The following SHD variants were observed in gnomAD, a reference collection of about 807,000 sequenced individuals.
SHD encodes the protein SH2 domain-containing adapter protein D.
In SHD, 29 loss-of-function variants were observed where a neutral mutation model predicts 31.2. That is an observed-to-expected ratio of 0.93 (90% CI 0.69 to 1.27). The LOEUF (loss-of-function observed/expected upper bound fraction) is 1.27. SHD is among the 50% of genes most tolerant of loss of function. The probability of loss-of-function intolerance (pLI) is 0.00; values close to 1 mark genes in which losing one functional copy is unlikely to be tolerated. For missense variants in SHD, 520 were observed against 453.8 expected (o/e 1.15, Z -1.33); for synonymous variants, 208 against 187.8 (o/e 1.11, Z -0.88).
At position 4,287,188 on chromosome 19, in the gene SHD, T is replaced by C. The variant is rs573166460; in HGVS notation, c.717-1055T>C. Among the ~76,000 whole-genome samples the C allele has an allele frequency of 3.9e-4, 59 of 150,918 alleles. 1 individual carries two copies. Among genetic ancestry groups the C allele is most frequent in the South Asian group, 1.7e-3 (8 of 4,754 alleles). On this transcript the variant is annotated intron_variant, in intron 4 of 5. Transcript: ENST00000543264. ...TTTACGAAAAATGCAAAAAATTAGC[T>C]GGGCGTGGTGGCGGGTGCCTGTAGT...
rs971471681 is a variant in SHD, at chr19:4,284,983, G to A, written c.716+79G>A. 3.6e-6 allele frequency: 5 copies of A among 1,372,662 alleles called. No individual in the cohort carries two copies. In the African/African-American group the frequency reaches 4.4e-5, roughly 12 times the overall value. The allele number at this position is 1,372,662 out of a possible 1,614,324, so 85.0% of individuals were successfully genotyped here. On this transcript the variant is annotated intron_variant, in intron 4 of 5. Coordinates refer to ENST00000543264, the MANE Select transcript of SHD (RefSeq NM_020209.4). ...CAATGTATCAGGCAGAAGTTTTTTC[G>A]TTTCCCAGATTAGAGGAACTGGGGG...
chr19:4,290,435 C>T lies in SHD; in HGVS notation c.837-12C>T. The T allele has an allele frequency of 6.2e-7, 1 of 1,604,824 alleles. No individual in the cohort carries two copies. The highest frequency in any genetic ancestry group is 8.5e-7 in the Non-Finnish European group (1 of 1,175,114). On this transcript the variant is annotated splice_polypyrimidine_tract_variant and intron_variant, in intron 5 of 5. Transcript: ENST00000543264. ...GGGATGCTCAGGAGTCCCTTTCTCC[C>T]TCATCGCCCAGGAGCAGCCAGGGCT...
intron 3 of SHD, among the ~76,000 whole-genome samples, chr19:4,284,042 G>A (rs4806978): frequency 6.6e-6 from 1 of 151,020 alleles, no homozygotes; most frequent in Non-Finnish European, 1.5e-5. Context: ...GGTGGCTCAC[G>A]CCTGTAATCC....
In SHD at chr19:4,290,607, T is replaced by C; in HGVS notation, c.997T>C (p.Tyr333His). Residue 333 changes from tyrosine (Y) to histidine (H), a missense_variant, in exon 6 of 6, where the codon TAC becomes CAC. By Grantham distance (83) the Tyr-to-His change is moderately conservative. Transcript: ENST00000543264. ...GGGTGCCGAGCATCTGGCTCTGCTGTACCCCGTGGTCACGCAGACCCCCTG... is the reference window on the plus strand; with the variant it reads ...GGGTGCCGAGCATCTGGCTCTGCTGCACCCCGTGGTCACGCAGACCCCCTG... The part of the protein sequence containing the change: ...VQGAEHLALL[Y>H]PVVTQTP 6 of 1,611,188 alleles carry C rather than the reference T, an allele frequency of 3.7e-6. No individual in the cohort carries two copies. Among genetic ancestry groups the C allele is most frequent in the Non-Finnish European group, 5.1e-6 (6 of 1,178,446 alleles).
intron 3 of SHD, among the ~76,000 whole-genome samples, chr19:4,283,839 A>G (rs4322776): frequency 0.089 from 13,447 of 150,406 alleles, 1,409 homozygotes; most frequent in African/African-American, 0.24. Context: ...CGGCCTCCCA[A>G]AGTGCTGGGA....
At chr19:4,288,497 C>A in intron 5 of SHD, 135 bp downstream of exon 5, 2 of 962,046 alleles carry the variant, frequency 2.1e-6, no homozygotes, top group Non-Finnish European at 2.9e-6. Flanking sequence ...GGTGGGACTT[C>A]TAGGAGAAGG....
At position 4,289,719 on chromosome 19, in the gene SHD, C is replaced by T. The variant is rs1038431821; in HGVS notation, c.837-728C>T. 1.1e-3 allele frequency among the ~76,000 whole-genome samples: 160 copies of T among 151,206 alleles called. 1 individual carries two copies. Among genetic ancestry groups the T allele is most frequent in the Admixed American group, 2.0e-3 (31 of 15,136 alleles). On this transcript the variant is annotated intron_variant, in intron 5 of 5. Transcript: ENST00000543264. ...CCGAGTAGCTGGGACTACAGGCGCC[C>T]ACCACCACACCCAGCTAATTTTTTG... is the stretch of plus-strand genomic sequence containing the variant.
chr19:4,288,232 A>G lies in SHD; in HGVS notation c.717-11A>G. 2 of 1,612,594 alleles carry G rather than the reference A, an allele frequency of 1.2e-6. No individual in the cohort carries two copies. The highest frequency in any genetic ancestry group is 1.1e-5 in the South Asian group (1 of 90,976). ...ATGGCCCTTGATGAGACATCTGTCCATACTCGCTAGGTGGTTTCATGGCCC... is the reference window on the plus strand; with the variant it reads ...ATGGCCCTTGATGAGACATCTGTCCGTACTCGCTAGGTGGTTTCATGGCCC... On this transcript the variant is annotated splice_polypyrimidine_tract_variant and intron_variant, in intron 4 of 5. Coordinates refer to ENST00000543264, the MANE Select transcript of SHD (RefSeq NM_020209.4).
chr19:4,288,503 G>A, intron 5 of SHD, 141 bp downstream of exon 5: 1 of 895,410 alleles, frequency 1.1e-6, no homozygotes, highest in Non-Finnish European at 1.6e-6. Flanking sequence ...ACTTCTAGGA[G>A]AAGGGGTGGG....
rs1170259294 is a variant in SHD, at chr19:4,279,801, C to T, written c.-263C>T. 9.8e-6 allele frequency: 5 copies of T among 511,284 alleles called. No individual in the cohort carries two copies. The highest frequency in any genetic ancestry group is 7.9e-5 in the African/African-American group (4 of 50,754). 31.7% of individuals were successfully genotyped at this position (511,284 alleles called of 1,614,324 possible). A position where few individuals can be genotyped will look rare whatever the true frequency, so the allele number is the denominator to read the frequency against. On this transcript the variant is annotated 5_prime_UTR_variant, in exon 1 of 6. Transcript: ENST00000543264. This position sits in a 1 kb window ranked among gnomAD's most constrained non-coding sequence, Gnocchi z 7.5. ...GGGTTCGGGGCCCTGCGAGGTCCCC[C>T]CTTCCCCCGCGGTGCTTCCCAAGCT...
chr19:4,286,091 C>T (rs1217143438), intron 4 of SHD, among the ~76,000 whole-genome samples: 2 of 150,520 alleles, frequency 1.3e-5, no homozygotes, highest in Non-Finnish European at 3.0e-5. Flanking sequence ...AGAGTTTCAC[C>T]ATGTTAGCCA....
chr19:4,280,189 C>CCCCTTT lies in SHD; in HGVS notation c.126_127insCCCTTT (p.Phe42_Glu43insProPhe). On this transcript the variant is annotated inframe_insertion, in exon 1 of 6. Coordinates refer to ENST00000543264, the MANE Select transcript of SHD (RefSeq NM_020209.4). ...ACCGCGCGCAGAAGAACCTGGACTT[C>CCCCTTT]GAGGACCCCTATGAGGACGCGGAGA... 5.1e-5 allele frequency: 83 copies of CCCCTTT among 1,613,572 alleles called. No individual in the cohort carries two copies. The highest frequency in any genetic ancestry group is 7.0e-5 in the Non-Finnish European group (83 of 1,179,898).
rs115801906 is a variant in SHD, at chr19:4,287,657, C to T, written c.717-586C>T. Among the ~76,000 whole-genome samples the T allele has an allele frequency of 4.1e-3, 618 of 150,958 alleles. 2 individuals are homozygous for T. Among genetic ancestry groups the T allele is most frequent in the African/African-American group, 0.014 (589 of 41,170 alleles). On this transcript the variant is annotated intron_variant, in intron 4 of 5. Coordinates refer to ENST00000543264, the MANE Select transcript of SHD (RefSeq NM_020209.4). Reference sequence around the variant, plus strand: ...AAAATTAGCCATGTGTGGTGCTATGCGCCTGTAGTTCCAGCTACTCTGGAG... The same window carrying T: ...AAAATTAGCCATGTGTGGTGCTATGTGCCTGTAGTTCCAGCTACTCTGGAG...
At position 4,280,084 on chromosome 19, in the gene SHD, C is replaced by A; in HGVS notation, c.21C>A (p.Asp7Glu). The A allele has an allele frequency of 6.2e-7, 1 of 1,609,606 alleles. No homozygotes were observed. The highest frequency in any genetic ancestry group is 8.5e-7 in the Non-Finnish European group (1 of 1,178,436). ...CCCAAATGGCCAAGTGGCTACGGGA[C>A]TACCTGAGCTTTGGGGGTCGGAGGC... MAKWLR[D>E]YLSFGGRRPP... Residue 7 changes from aspartate to glutamate, a missense_variant, in exon 1 of 6, where the codon GAC (aspartate) becomes GAA (glutamate). Asp to Glu is a conservative substitution (Grantham distance 45). Coordinates refer to ENST00000543264, the MANE Select transcript of SHD (RefSeq NM_020209.4).
At position 4,287,345 on chromosome 19, in the gene SHD, GAA is replaced by G. The variant is rs1255542379; in HGVS notation, c.717-894_717-893del. ...AGACTCTGTCTCAAAAAAAAAGAAA[GAA>G]AAAGAAAAAAACAGAAAGGGACAGG... is the stretch of plus-strand genomic sequence containing the variant. On this transcript the variant is annotated intron_variant, in intron 4 of 5. Transcript: ENST00000543264. Among the ~76,000 whole-genome samples, 4 of 146,664 alleles carry G rather than the reference GAA, an allele frequency of 2.7e-5. No homozygotes were observed. In the East Asian group the frequency reaches 6.1e-4, roughly 22 times the overall value.
At chr19:4,281,899 C>A (rs888685200) in intron 1 of SHD, among the ~76,000 whole-genome samples, 10 of 152,190 alleles carry the variant, frequency 6.6e-5, no homozygotes, top group Non-Finnish European at 1.5e-4. Flanking sequence ...TGTGCCTTGG[C>A]TTCCTTGTCT....
At chr19:4,284,720 C>G (rs1405393946) in intron 3 of SHD, 61 bp from the exon 4 acceptor site, 1 of 1,413,494 alleles carries the variant, frequency 7.1e-7, no homozygotes. Context: ...TTGGCTTGCC[C>G]CTGCCCCGCC....
Position 4,280,261 on chromosome 19 carries a change from C to T in SHD, c.198C>T (p.Pro66=). 1.2e-6 allele frequency: 2 copies of T among 1,613,568 alleles called. No homozygotes were observed. The highest frequency in any genetic ancestry group is 1.7e-6 in the Non-Finnish European group (2 of 1,179,908). The stretch of plus-strand genomic sequence containing the variant: ...CGGGCCCTGGGGACTCCAAGAACCC[C>T]GGAGATGCCAAGTATGGTTCTCCCA... ...DPAGPGDSKN[P]GDAKYGSPKH... The change falls in exon 1 of 6, where the codon CCC becomes CCT. Residue 66 remains proline (P), a synonymous_variant. Coordinates refer to ENST00000543264, the MANE Select transcript of SHD (RefSeq NM_020209.4).
In SHD at chr19:4,290,582, G is replaced by A; in HGVS notation, c.972G>A (p.Gln324=). The A allele has an allele frequency of 6.2e-7, 1 of 1,613,594 alleles. No homozygotes were observed. The highest frequency in any genetic ancestry group is 8.5e-7 in the Non-Finnish European group (1 of 1,179,920). Residue 324 remains glutamine (Q), a synonymous_variant, in exon 6 of 6, where the codon CAG becomes CAA. Transcript: ENST00000543264. The part of the protein sequence containing the change: ...LHYSSRPLPV[Q]GAEHLALLYP... The stretch of plus-strand genomic sequence containing the variant: ...ACAGTTCACGCCCACTGCCGGTGCA[G>A]GGTGCCGAGCATCTGGCTCTGCTGT...
Sources: allele counts gnomAD v4.1 joint callset (sites outside exome capture counted in the v4.1 genomes callset), GRCh38; gene constraint gnomAD v4.1.1; non-coding constraint Gnocchi (gnomAD v3.1); transcripts MANE v1.5; gene names NCBI Gene and HGNC (gene_info 2026-07-23, HGNC 2026-07-21).